Variants in EVC2 observed in about 807,000 individuals in gnomAD.
EVC2 encodes the protein limbin.
Under a neutral mutation model 149.3 loss-of-function variants are expected in EVC2, and 148 were observed. That is an observed-to-expected ratio of 0.99 (90% CI 0.87 to 1.14). EVC2 has a LOEUF of 1.14. Ranked by LOEUF, EVC2 falls within the 50% of genes most tolerant of loss-of-function variation. The pLI, the probability that EVC2 is intolerant of heterozygous loss-of-function variation, is 0.00. For synonymous variants in EVC2, 776 were observed against 649.9 expected (o/e 1.19, Z -2.95); for missense variants, 1,854 against 1,627.3 (o/e 1.14, Z -2.40).
intron 9 of EVC2, among the ~76,000 whole-genome samples, chr4:5,648,922 G>T (rs1034342524): frequency 3.3e-5 from 5 of 152,194 alleles, no homozygotes; most frequent in Non-Finnish European, 7.3e-5. Context: ...AGGGCTGCAA[G>T]AGAGGAAAAC....
At chr4:5,647,589 TA>T (rs1254523410) in intron 9 of EVC2, among the ~76,000 whole-genome samples, 1 of 152,178 alleles carries the variant, frequency 6.6e-6, no homozygotes, top group Non-Finnish European at 1.5e-5. Flanking sequence ...TGTGTATGGC[TA>T]AATGTCAAAT....
Position 5,606,903 on chromosome 4 carries a change from T to C in EVC2, c.2829+8519A>G, listed in dbSNP as rs530867696. On this transcript the variant is annotated intron_variant, in intron 16 of 21. Transcript: ENST00000344408. Reference sequence around the variant, plus strand: ...TACGTTAAGGTGGAGAAAGGTTAAATAACTTGCTCAAGGTCACACAGCTAG... The same window carrying C: ...TACGTTAAGGTGGAGAAAGGTTAAACAACTTGCTCAAGGTCACACAGCTAG... Among the ~76,000 whole-genome samples, 59 of 152,274 alleles carry C rather than the reference T, an allele frequency of 3.9e-4. 1 individual carries two copies. The South Asian group carries it at 0.012, about 31-fold the overall frequency.
At chr4:5,608,851 A>T (rs11929770) in intron 16 of EVC2, among the ~76,000 whole-genome samples, 16,014 of 152,220 alleles carry the variant, frequency 0.11, 1,692 homozygotes, top group African/African-American at 0.27. Flanking sequence ...TGAGTATCTG[A>T]ATCAGCAGAT....
At chr4:5,623,064 T>C in intron 13 of EVC2, 73 bp from the exon 14 acceptor site, 1 of 1,385,996 alleles carries the variant, frequency 7.2e-7, no homozygotes, top group South Asian at 1.2e-5. Flanking sequence ...AAACACTTTG[T>C]TGCAGGAAGC....
chr4:5,545,026 C>T (rs543462707), intron 21 of EVC2, among the ~76,000 whole-genome samples: 201 of 152,324 alleles, frequency 1.3e-3, no homozygotes, highest in African/African-American at 4.5e-3. Context: ...GCCTGCTGCT[C>T]GGCCCTCCAG....
intron 2 of EVC2, 150 bp downstream of exon 2, chr4:5,697,443 T>C (rs1721551773): frequency 7.8e-6 from 6 of 772,926 alleles, no homozygotes; most frequent in African/African-American, 1.7e-5. Context: ...ACTGCCCTAG[T>C]TCTGTAAGGT....
rs940323715 is a variant in EVC2, at chr4:5,636,973, G to A, written c.1470+3541C>T. Among the ~76,000 whole-genome samples, 22 of 152,114 alleles carry A rather than the reference G, an allele frequency of 1.4e-4. No individual in the cohort carries two copies. The highest frequency in any genetic ancestry group is 3.9e-4 in the Admixed American group (6 of 15,272). The stretch of plus-strand genomic sequence containing the variant: ...GGAAACAGATTGGTTCAAATAAGGC[G>A]GCTGCTTGTCTTTGAACAGAGTGAC... On this transcript the variant is annotated intron_variant, in intron 10 of 21. Coordinates refer to ENST00000344408, the MANE Select transcript of EVC2 (RefSeq NM_147127.5). The surrounding 1 kb of genome is among the most constrained non-coding windows in gnomAD (Gnocchi z 4.6).
At chr4:5,681,137 T>A in intron 7 of EVC2, 123 bp downstream of exon 7, 2 of 1,089,162 alleles carry the variant, frequency 1.8e-6, no homozygotes, top group Non-Finnish European at 2.8e-6. Context: ...AGAGTCCCAG[T>A]CTCAACGCAT....
chr4:5,622,620 C>T lies in EVC2; in HGVS notation c.2418G>A (p.Val806=). 6.2e-7 allele frequency: 1 copy of T among 1,614,036 alleles called. No individual in the cohort carries two copies. The highest frequency in any genetic ancestry group is 1.1e-5 in the South Asian group (1 of 91,046). ...GAGCGTCATCCTTCAGTCTCTGCCT[C>T]ACGCTCTGGACACCCTCCTGGTCCC... is the stretch of plus-strand genomic sequence containing the variant. ...RDRDQEGVQS[V]RQRLKDDAPE... Residue 806 remains valine (V), a synonymous_variant, in exon 14 of 22, where the codon GTG becomes GTA. Coordinates refer to ENST00000344408, the MANE Select transcript of EVC2 (RefSeq NM_147127.5). This position sits in a 1 kb window ranked among gnomAD's most constrained non-coding sequence, Gnocchi z 5.8.
downstream of EVC2, among the ~76,000 whole-genome samples, chr4:5,561,535 T>G (rs975069702): frequency 6.6e-6 from 1 of 152,182 alleles, no homozygotes; most frequent in African/African-American, 2.4e-5. Flanking sequence ...CTGGGAGAAG[T>G]GCAACCCCAG....
chr4:5,672,777 C>T (rs1719732245), intron 7 of EVC2, among the ~76,000 whole-genome samples: 1 of 152,204 alleles, frequency 6.6e-6, no homozygotes, highest in South Asian at 2.1e-4. Context: ...GAATAAAGAA[C>T]ATGTGTATAT....
rs373829825 is a variant in EVC2, at chr4:5,568,461, G to A, written c.3540C>T (p.Ala1180=). 1.7e-5 allele frequency: 27 copies of A among 1,565,866 alleles called. No individual in the cohort carries two copies. The highest frequency in any genetic ancestry group is 2.3e-5 in the South Asian group (2 of 85,450). Residue 1180 remains alanine (A), a synonymous_variant, in exon 20 of 22, where the codon GCC becomes GCT. Transcript: ENST00000344408. ...GCACTCACCTCCGCCTGCCCACGTC[G>A]GCCTGCTCCGCTCCGCCATCGCTCT... The part of the protein sequence containing the change: ...AAESDGGAEQ[A]DVGRRRKHQS...
At position 5,670,604 on chromosome 4, in the gene EVC2, T is replaced by C. The variant is rs1470837716; in HGVS notation, c.871-4955A>G. On this transcript the variant is annotated intron_variant, in intron 7 of 21. Coordinates refer to ENST00000344408, the MANE Select transcript of EVC2 (RefSeq NM_147127.5). The surrounding 1 kb of genome is among the most constrained non-coding windows in gnomAD (Gnocchi z 5.2). ...ACTATCAACATCATCAATATCACCA[T>C]CACCATCATCTTCACCATCACCATC... Among the ~76,000 whole-genome samples the C allele has an allele frequency of 6.6e-6, 1 of 150,700 alleles. No homozygotes were observed. Among genetic ancestry groups the C allele is most frequent in the Non-Finnish European group, 1.5e-5 (1 of 67,708 alleles).
chr4:5,532,021 G>A, the EVC2 span, among the ~76,000 whole-genome samples: 1 of 152,028 alleles, frequency 6.6e-6, no homozygotes, highest in Non-Finnish European at 1.5e-5. Flanking sequence ...TCACGACAAG[G>A]AAAAAGGCTG....
intron 6 of EVC2, among the ~76,000 whole-genome samples, chr4:5,682,499 A>AT (rs1262527284): frequency 7.0e-4 from 106 of 151,070 alleles, no homozygotes; most frequent in Admixed American, 2.1e-3. Context: ...TCAAAAAAAA[A>AT]AAATAATAAT....
chr4:5,697,571 A>G, intron 2 of EVC2, 22 bp downstream of exon 2: 1 of 1,613,956 alleles, frequency 6.2e-7, no homozygotes, highest in East Asian at 2.2e-5. Context: ...ACAGGGGAAC[A>G]TCAACCAGAA....
chr4:5,630,138 T>G (rs7689661), intron 11 of EVC2, among the ~76,000 whole-genome samples: 9,897 of 152,242 alleles, frequency 0.065, 1,068 homozygotes, highest in African/African-American at 0.22. Context: ...GAGGATTTAG[T>G]GGGAAAAACC....
chr4:5,531,581 A>G, the EVC2 span, among the ~76,000 whole-genome samples: 1 of 152,138 alleles, frequency 6.6e-6, no homozygotes, highest in African/African-American at 2.4e-5. Flanking sequence ...CAGTGGCGGC[A>G]TTAGATTATC....
upstream of EVC2, chr4:5,709,472 C>T (rs1010016651): frequency 3.3e-5 from 5 of 152,344 alleles, no homozygotes; most frequent in Admixed American, 6.5e-5. Flanking sequence ...TCCCCATAAC[C>T]CAGACCATCC....
Sources: allele counts gnomAD v4.1 joint callset (sites outside exome capture counted in the v4.1 genomes callset), GRCh38; gene constraint gnomAD v4.1.1; non-coding constraint Gnocchi (gnomAD v3.1); transcripts MANE v1.5; gene names NCBI Gene and HGNC (gene_info 2026-07-23, HGNC 2026-07-21).